The following GSTM4 variants were observed in gnomAD, a reference collection of about 807,000 sequenced individuals.
GSTM4 encodes the protein glutathione S-transferase mu 4, also known as GST class-mu 4.
GSTM4 carries 27 observed loss-of-function variants against 30.1 expected under a neutral mutation model. The observed-to-expected ratio is 0.90, with a 90% confidence interval of 0.66 to 1.24. GSTM4 has a LOEUF of 1.24. GSTM4 is among the 50% of genes most tolerant of loss of function. The probability of loss-of-function intolerance (pLI) is 0.00; values close to 1 mark genes in which losing one functional copy is unlikely to be tolerated. For missense variants in GSTM4, 238 were observed against 272.1 expected (o/e 0.87, Z 0.88); for synonymous variants, 94 against 96.2 (o/e 0.98, Z 0.13).
intron 7 of GSTM4, 100 bp from the exon 8 acceptor site, chr1:109,661,065 G>T (rs1167188938): frequency 3.6e-5 from 55 of 1,524,568 alleles, no homozygotes; most frequent in Non-Finnish European, 4.8e-5. Context: ...ACGTGGAAAG[G>T]CTGTGGCCAG....
chr1:109,658,565 G>T, intron 5 of GSTM4: 1 of 519,554 alleles, frequency 1.9e-6, no homozygotes, highest in Non-Finnish European at 3.5e-6. Flanking sequence ...GAGGAGGGTG[G>T]TTGGGAGGTC....
chr1:109,664,908 T>G, downstream of GSTM4: 4 of 1,239,316 alleles, frequency 3.2e-6, no homozygotes, highest in Non-Finnish European at 4.8e-6. Flanking sequence ...ATTCTCTACC[T>G]GTGGCTTAGT....
At chr1:109,659,253 T>G (rs1652188048) in intron 7 of GSTM4, 143 bp downstream of exon 7, 6 of 1,609,406 alleles carry the variant, frequency 3.7e-6, no homozygotes, top group Non-Finnish European at 4.2e-6. Context: ...CCCAGCACAT[T>G]ATACCTATCG....
intron 1 of GSTM4, 125 bp downstream of exon 1, chr1:109,656,550 CTGTGTGTGTGTGTGTGTGTG>C (rs57680849): frequency 4.7e-5 from 25 of 532,092 alleles, no homozygotes; most frequent in East Asian, 2.9e-4. Context: ...CTGTGCATGC[CTGTGTGTGTGTGTGTGTGTG>C]TGTGTGTGTG....
At chr1:109,657,913 T>C (rs761218207) in intron 5 of GSTM4, 41 bp downstream of exon 5, 6 of 1,549,314 alleles carry the variant, frequency 3.9e-6, no homozygotes, top group Non-Finnish European at 5.4e-6. Context: ...CAGGCTTGTA[T>C]TCCCATCTAC....
In GSTM4 at chr1:109,661,573, C is replaced by G. The variant is rs532027903; in HGVS notation, c.*319C>G. The G allele has an allele frequency of 2.8e-5, 36 of 1,282,878 alleles. No individual in the cohort carries two copies. Among genetic ancestry groups the G allele is most frequent in the Admixed American group, 2.4e-4 (7 of 29,584 alleles). The allele number at this position is 1,282,878 out of a possible 1,614,324, so 79.5% of individuals were successfully genotyped here. ...CTGCTTTGAAGGGCCTACCTGGCCC[C>G]TCGCCTGTGGAGCTCAGCCCTGAGC... On this transcript the variant is annotated 3_prime_UTR_variant, in exon 8 of 8. Coordinates refer to ENST00000369836, the MANE Select transcript of GSTM4 (RefSeq NM_000850.5).
At chr1:109,658,548 T>C in intron 5 of GSTM4, 2 of 491,988 alleles carry the variant, frequency 4.1e-6, no homozygotes, top group South Asian at 5.0e-5. Context: ...GCTCCTGGGC[T>C]GACCCAGAGG....
downstream of GSTM4, among the ~76,000 whole-genome samples, chr1:109,663,069 CTA>C (rs1652366223): frequency 6.6e-6 from 1 of 152,224 alleles, no homozygotes; most frequent in African/African-American, 2.4e-5. Context: ...CATGCTAACA[CTA>C]TGTGCAAAAA....
At chr1:109,658,736 C>A in intron 5 of GSTM4, 78 bp from the exon 6 acceptor site, 1 of 1,015,290 alleles carries the variant, frequency 9.8e-7, no homozygotes, top group Non-Finnish European at 1.6e-6. Context: ...CCAGCTGGGG[C>A]CATACACAGC....
downstream of GSTM4, among the ~76,000 whole-genome samples, chr1:109,664,423 G>A (rs1284997694): frequency 7.5e-6 from 1 of 133,240 alleles, no homozygotes; most frequent in Non-Finnish European, 1.5e-5. Flanking sequence ...GCAGTGGCGC[G>A]ATCTCAGCTC....
rs1164571861 is a variant in GSTM4 at position 109,661,419 on chromosome 1, T to C, written c.*165T>C. 3.4e-6 allele frequency: 5 copies of C among 1,488,772 alleles called. No individual in the cohort carries two copies. Among genetic ancestry groups the C allele is most frequent in the Non-Finnish European group, 3.6e-6 (4 of 1,116,994 alleles). The allele number at this position is 1,488,772 out of a possible 1,614,324, so 92.2% of individuals were successfully genotyped here. A position where few individuals can be genotyped will look rare whatever the true frequency, so the allele number is the denominator to read the frequency against. On this transcript the variant is annotated 3_prime_UTR_variant, in exon 8 of 8. Transcript: ENST00000369836. ...CTTTATTGGGCCTCTTCACTTCCCC[T>C]AAACCCCTGTCCCATGCAGGCCCTT...
intron 3 of GSTM4, 128 bp downstream of exon 3, chr1:109,657,407 A>G (rs1652065790): frequency 1.4e-6 from 2 of 1,424,048 alleles, no homozygotes; most frequent in Admixed American, 1.7e-5. Context: ...CTGGTTGTCT[A>G]CACAGCCCCT....
intron 4 of GSTM4, 25 bp downstream of exon 4, chr1:109,657,696 TG>T: frequency 6.2e-7 from 1 of 1,614,110 alleles, no homozygotes; most frequent in Non-Finnish European, 8.5e-7. Flanking sequence ...CTGCAGTGTG[TG>T]GGGGGAAGGT....
chr1:109,656,603 T>TGG (rs140231844), intron 1 of GSTM4, 109 bp from the exon 2 acceptor site: 410 of 498,162 alleles, frequency 8.2e-4, no homozygotes, highest in East Asian at 2.0e-3. Flanking sequence ...TGCGCCGGGG[T>TGG]GGGGGGGGGG....
intron 1 of GSTM4, 132 bp downstream of exon 1, chr1:109,656,557 T>TGTGA: frequency 2.3e-6 from 1 of 427,078 alleles, no homozygotes; most frequent in Non-Finnish European, 4.5e-6. Context: ...TGCCTGTGTG[T>TGTGA]GTGTGTGTGT....
chr1:109,663,090 GGT>G (rs1339943320), downstream of GSTM4, among the ~76,000 whole-genome samples: 2 of 152,150 alleles, frequency 1.3e-5, no homozygotes, highest in African/African-American at 4.8e-5. Flanking sequence ...AACATGGATG[GGT>G]CTCACAGAAG....
At position 109,656,421 on chromosome 1, in the gene GSTM4, G is replaced by T. The variant is rs145606771; in HGVS notation, c.32G>T (p.Arg11Leu). 1 of 1,614,036 alleles carries T rather than the reference G, an allele frequency of 6.2e-7. No homozygotes were observed. The highest frequency in any genetic ancestry group is 1.1e-5 in the South Asian group (1 of 91,088). Residue 11 changes from arginine (R) to leucine (L), a missense_variant, in exon 1 of 8, where the codon CGC (arginine) becomes CTC (leucine). Arg to Leu is a moderately radical substitution (Grantham distance 102). Transcript: ENST00000369836. Reference sequence around the variant, plus strand: ...ATGACACTGGGGTACTGGGACATCCGCGGGGTGAGTGAGGGTCCGCTGCAC... The same window carrying T: ...ATGACACTGGGGTACTGGGACATCCTCGGGGTGAGTGAGGGTCCGCTGCAC... MSMTLGYWDIRGLAHAIRLLL... is the reference protein window; with the variant it reads MSMTLGYWDILGLAHAIRLLL...
downstream of GSTM4, among the ~76,000 whole-genome samples, chr1:109,663,625 A>G (rs1254962862): frequency 6.6e-6 from 1 of 152,030 alleles, no homozygotes; most frequent in East Asian, 1.9e-4. Context: ...AGATCACGCC[A>G]CTGCACACTC....
downstream of GSTM4, among the ~76,000 whole-genome samples, chr1:109,666,436 T>G (rs1053747206): frequency 1.3e-5 from 2 of 152,324 alleles, no homozygotes; most frequent in South Asian, 4.1e-4. Flanking sequence ...AGCTGCAGGG[T>G]AGGCCTGCTG....
Sources: allele counts gnomAD v4.1 joint callset (sites outside exome capture counted in the v4.1 genomes callset), GRCh38; gene constraint gnomAD v4.1.1; transcripts MANE v1.5; gene names NCBI Gene and HGNC (gene_info 2026-07-23, HGNC 2026-07-21).